The following FSTL4 variants were observed in gnomAD, a reference collection of about 807,000 sequenced individuals.
FSTL4 encodes the protein follistatin-related protein 4.
In FSTL4, 28 loss-of-function variants were observed where a neutral mutation model predicts 78.2. That is an observed-to-expected ratio of 0.36 (90% CI 0.27 to 0.49). The LOEUF (loss-of-function observed/expected upper bound fraction) is 0.49. FSTL4 is among the 20% of genes least tolerant of loss of function. The probability of loss-of-function intolerance (pLI) is 0.98; values close to 1 mark genes in which losing one functional copy is unlikely to be tolerated. For synonymous variants in FSTL4, 422 were observed against 440.5 expected, an observed-to-expected ratio of 0.96 and a Z score of 0.53; for missense variants, 922 against 1,084.9, an observed-to-expected ratio of 0.85 and a Z score of 2.11.
the FSTL4 span, among the ~76,000 whole-genome samples, chr5:133,825,707 C>G: frequency 1.3e-5 from 2 of 152,212 alleles, no homozygotes; most frequent in Non-Finnish European, 2.9e-5. Flanking sequence ...CTTGAGTGCC[C>G]TCGGTCTGGA....
At chr5:133,720,007 G>A in the FSTL4 span, among the ~76,000 whole-genome samples, 3 of 152,158 alleles carry the variant, frequency 2.0e-5, no homozygotes, top group African/African-American at 7.2e-5. Flanking sequence ...GGGAGAACTG[G>A]CTTCACACGT....
chr5:133,388,805 T>C (rs983519410), intron 4 of FSTL4, among the ~76,000 whole-genome samples: 2 of 152,130 alleles, frequency 1.3e-5, no homozygotes, highest in African/African-American at 4.8e-5. Flanking sequence ...TTTTAAATCT[T>C]TTATCTCTGT....
chr5:133,235,165 A>G (rs1464058707), intron 7 of FSTL4, among the ~76,000 whole-genome samples: 1 of 152,060 alleles, frequency 6.6e-6, no homozygotes, highest in East Asian at 1.9e-4. Context: ...GCCCGGCCAC[A>G]ATGGTCCCGA....
intron 2 of FSTL4, among the ~76,000 whole-genome samples, chr5:133,589,639 C>T (rs1206681521): frequency 1.3e-5 from 2 of 152,082 alleles, no homozygotes; most frequent in Non-Finnish European, 2.9e-5. Context: ...GTCAAGAGGC[C>T]ACCCACCGCC....
intron 6 of FSTL4, among the ~76,000 whole-genome samples, chr5:133,253,175 C>T (rs2126826680): frequency 6.6e-6 from 1 of 152,346 alleles, no homozygotes; most frequent in South Asian, 2.1e-4. Context: ...CCCGTTATTT[C>T]CTGGTCAACA....
At chr5:133,380,120 C>G (rs1462963076) in intron 4 of FSTL4, among the ~76,000 whole-genome samples, 2 of 151,278 alleles carry the variant, frequency 1.3e-5, no homozygotes, top group African/African-American at 4.9e-5. Context: ...AATCTTTCAC[C>G]ATAACACATA....
chr5:133,514,223 T>TAATAAA (rs1177245646), intron 3 of FSTL4, among the ~76,000 whole-genome samples: 3 of 148,158 alleles, frequency 2.0e-5, no homozygotes, highest in South Asian at 2.1e-4. Flanking sequence ...ATAATAATAA[T>TAATAAA]AAACCGTTGG....
chr5:133,599,880 A>C (rs934384876), intron 2 of FSTL4, among the ~76,000 whole-genome samples: 2 of 152,208 alleles, frequency 1.3e-5, no homozygotes, highest in African/African-American at 4.8e-5. Flanking sequence ...CCAGGCCCCA[A>C]AAGTGGGGGG....
Position 133,225,384 on chromosome 5 carries a change from G to A in FSTL4, c.1178-100C>T. The A allele has an allele frequency of 7.1e-7, 1 of 1,407,212 alleles. No homozygotes were observed. Among genetic ancestry groups the A allele is most frequent in the Non-Finnish European group, 9.9e-7 (1 of 1,011,890 alleles). 87.2% of individuals were successfully genotyped at this position (1,407,212 alleles called of 1,614,324 possible). On this transcript the variant is annotated intron_variant, in intron 9 of 15. Coordinates refer to ENST00000265342, the MANE Select transcript of FSTL4 (RefSeq NM_015082.2). The surrounding 1 kb of genome is among the most constrained non-coding windows in gnomAD (Gnocchi z 4.6). ...AGTGTTAGGGCTGCCCAGCCCCTGG[G>A]CAGCCAGCAGCCCTGATTATACGCC...
chr5:133,295,732 T>A (rs929650249), intron 6 of FSTL4, among the ~76,000 whole-genome samples: 1 of 152,198 alleles, frequency 6.6e-6, no homozygotes, highest in Non-Finnish European at 1.5e-5. Context: ...GCTGACCGCT[T>A]CCTGACTCAC....
chr5:133,609,277 T>G (rs971833536), intron 1 of FSTL4, among the ~76,000 whole-genome samples: 6 of 152,198 alleles, frequency 3.9e-5, no homozygotes, highest in Admixed American at 3.3e-4. Flanking sequence ...GTGTCTGCCC[T>G]ACACACACTG....
At chr5:133,481,278 C>T (rs1462072439) in intron 3 of FSTL4, among the ~76,000 whole-genome samples, 1 of 152,194 alleles carries the variant, frequency 6.6e-6, no homozygotes, top group Non-Finnish European at 1.5e-5. Flanking sequence ...CGGTGGTTCA[C>T]ATCTGTAATC....
chr5:133,665,774 G>A, the FSTL4 span, among the ~76,000 whole-genome samples: 2 of 152,168 alleles, frequency 1.3e-5, no homozygotes, highest in African/African-American at 4.8e-5. Context: ...GGGGCTGAGG[G>A]TCTCTTCCCC....
intron 4 of FSTL4, among the ~76,000 whole-genome samples, chr5:133,360,273 G>A (rs1032492540): frequency 1.4e-4 from 21 of 152,196 alleles, no homozygotes; most frequent in African/African-American, 5.1e-4. Flanking sequence ...ACCTTTTAAA[G>A]CCCATTTGAT....
intron 3 of FSTL4, among the ~76,000 whole-genome samples, chr5:133,435,301 T>C (rs534020149): frequency 6.6e-5 from 10 of 152,250 alleles, no homozygotes; most frequent in Non-Finnish European, 1.3e-4. Context: ...AATACTCAAG[T>C]AATTCTGGGA....
chr5:133,623,709 C>T, the FSTL4 span, among the ~76,000 whole-genome samples: 1 of 151,872 alleles, frequency 6.6e-6, no homozygotes, highest in Non-Finnish European at 1.5e-5. Flanking sequence ...AAAAAGACAA[C>T]CCACAGACTA....
chr5:133,225,823 T>C lies in FSTL4; in HGVS notation c.1016-4A>G, dbSNP rs758833783. The C allele has an allele frequency of 2.6e-6, 4 of 1,564,002 alleles. No individual in the cohort carries two copies. The highest frequency in any genetic ancestry group is 3.5e-6 in the Non-Finnish European group (4 of 1,156,276). ...TAGACACGGATGACTGGCGGCACTG[T>C]GGGTGAGAGTCAGTGCTGGTGAGAA... On this transcript the variant is annotated splice_region_variant and splice_polypyrimidine_tract_variant and intron_variant, in intron 8 of 15. Transcript: ENST00000265342. This position sits in a 1 kb window ranked among gnomAD's most constrained non-coding sequence, Gnocchi z 4.6.
intron 6 of FSTL4, among the ~76,000 whole-genome samples, chr5:133,301,793 T>C (rs1229674802): frequency 1.3e-5 from 2 of 152,000 alleles, no homozygotes; most frequent in African/African-American, 2.4e-5. Flanking sequence ...AAGATCTAGA[T>C]GGGGAGTGGG....
chr5:133,672,966 T>C, the FSTL4 span, among the ~76,000 whole-genome samples: 1 of 152,290 alleles, frequency 6.6e-6, no homozygotes, highest in South Asian at 2.1e-4. Flanking sequence ...TCAATCAATA[T>C]ATGTAAGAAG....
Sources: gnomAD v4.1 joint callset for allele counts (sites outside exome capture counted in the v4.1 genomes callset) on GRCh38, gnomAD v4.1.1 for gene constraint, Gnocchi (gnomAD v3.1) non-coding constraint, MANE v1.5 for transcripts, NCBI Gene and HGNC (gene_info 2026-07-23, HGNC 2026-07-21) for gene names.